Variants in GLCE observed in about 807,000 individuals in gnomAD.
GLCE encodes the protein D-glucuronyl C5-epimerase.
A neutral mutation model predicts 47.9 loss-of-function variants in GLCE; 19 were observed. The ratio of observed to expected loss-of-function variants is 0.40; its 90% CI spans 0.28 to 0.58. The LOEUF is 0.58. Ranked by LOEUF, GLCE falls within the 20% of genes least tolerant of loss-of-function variation. The pLI, the probability that GLCE is intolerant of heterozygous loss-of-function variation, is 0.48. For missense variants in GLCE, 556 were observed against 743.3 expected, an observed-to-expected ratio of 0.75 and a Z score of 2.93; for synonymous variants, 245 against 263.4, an observed-to-expected ratio of 0.93 and a Z score of 0.68.
chr15:69,206,533 A>G (rs1029470788), intron 1 of GLCE, among the ~76,000 whole-genome samples: 1 of 152,026 alleles, frequency 6.6e-6, no homozygotes. Context: ...TTATTCAGTC[A>G]TTTATATCAA....
At chr15:69,219,480 T>C (rs2052350917) in intron 2 of GLCE, among the ~76,000 whole-genome samples, 1 of 152,180 alleles carries the variant, frequency 6.6e-6, no homozygotes. Context: ...TGTATTTATT[T>C]CAGTGTTATA....
chr15:69,251,340 G>A (rs2052841777), intron 2 of GLCE, among the ~76,000 whole-genome samples: 2 of 152,226 alleles, frequency 1.3e-5, no homozygotes, highest in African/African-American at 2.4e-5. Flanking sequence ...CACTGAATTA[G>A]GGTATGACTA....
At chr15:69,266,986 G>C (rs1315477576) in intron 4 of GLCE, among the ~76,000 whole-genome samples, 1 of 152,196 alleles carries the variant, frequency 6.6e-6, no homozygotes, top group African/African-American at 2.4e-5. Context: ...TTTAAGCTGT[G>C]AAAAGATCAA....
In GLCE at chr15:69,268,870, C is replaced by T. The variant is rs1351519113; in HGVS notation, c.1480C>T (p.His494Tyr). Residue 494 changes from histidine (H) to tyrosine (Y), a missense_variant, in exon 5 of 5, where the codon CAT (histidine) becomes TAT (tyrosine). Physicochemically the swap from His to Tyr is moderately conservative, Grantham distance 83. Coordinates refer to ENST00000261858, the MANE Select transcript of GLCE (RefSeq NM_015554.3). ...HGVKAVFMNK[H>Y]DWYEEYPTTP... ...AGTTAAAGCTGTGTTTATGAATAAA[C>T]ATGACTGGTATGAAGAATATCCAAC... 2.5e-6 allele frequency: 4 copies of T among 1,613,982 alleles called. No individual in the cohort carries two copies. The South Asian group carries it at 3.3e-5, about 13-fold the overall frequency.
At chr15:69,223,888 A>G (rs1009278384) in intron 2 of GLCE, among the ~76,000 whole-genome samples, 1 of 152,080 alleles carries the variant, frequency 6.6e-6, no homozygotes, top group Admixed American at 6.6e-5. Context: ...TGTACTTCTC[A>G]GCTCCAGAAT....
rs192422570 is a variant in GLCE, at chr15:69,218,278, G to A, written c.-14+7872G>A. ...TAATCCCAGCATTTTGGGAAGCTAA[G>A]GCCGGTGGATTCCTTGAGCTCAGGA... On this transcript the variant is annotated intron_variant, in intron 2 of 4. Coordinates refer to ENST00000261858, the MANE Select transcript of GLCE (RefSeq NM_015554.3). Among the ~76,000 whole-genome samples, 1,257 of 152,008 alleles carry A rather than the reference G, an allele frequency of 8.3e-3. 11 individuals are homozygous for A. Among genetic ancestry groups the A allele is most frequent in the Middle Eastern group, 0.034 (10 of 294 alleles).
At chr15:69,239,288 G>T (rs1423806544) in intron 2 of GLCE, among the ~76,000 whole-genome samples, 1 of 152,032 alleles carries the variant, frequency 6.6e-6, no homozygotes, top group African/African-American at 2.4e-5. Flanking sequence ...TTTCTTTCTG[G>T]GATACAACAC....
At chr15:69,243,812 A>AT (rs1161184371) in intron 2 of GLCE, among the ~76,000 whole-genome samples, 25 of 118,114 alleles carry the variant, frequency 2.1e-4, no homozygotes, top group East Asian at 2.7e-4. Context: ...GAATAAAATA[A>AT]TTTTTTTAAA....
intron 2 of GLCE, among the ~76,000 whole-genome samples, chr15:69,249,602 TA>T (rs1466509879): frequency 1.3e-5 from 2 of 152,100 alleles, no homozygotes; most frequent in Admixed American, 6.5e-5. Flanking sequence ...AGAGAAATAA[TA>T]AGCAGGGAAA....
At chr15:69,256,703 T>C (rs2052930404) in intron 3 of GLCE, among the ~76,000 whole-genome samples, 1 of 152,160 alleles carries the variant, frequency 6.6e-6, no homozygotes, top group South Asian at 2.1e-4. Flanking sequence ...ATAGCTAGAA[T>C]CCTGTGAGAG....
intron 2 of GLCE, among the ~76,000 whole-genome samples, chr15:69,253,001 A>G (rs867457642): frequency 2.6e-5 from 4 of 152,202 alleles, no homozygotes; most frequent in South Asian, 4.1e-4. Flanking sequence ...ATGCCCCAGC[A>G]AAATAAAATG....
chr15:69,265,169 A>G (rs1381274441), intron 4 of GLCE, among the ~76,000 whole-genome samples: 2 of 152,136 alleles, frequency 1.3e-5, no homozygotes, highest in African/African-American at 4.8e-5. Flanking sequence ...GTGCATATAT[A>G]TGTGTCACAT....
intron 1 of GLCE, among the ~76,000 whole-genome samples, chr15:69,180,520 G>T (rs535624030): frequency 1.2e-4 from 18 of 152,320 alleles, no homozygotes; most frequent in African/African-American, 4.1e-4. Flanking sequence ...AAAATTCACT[G>T]ATAAGGTGAC....
intron 2 of GLCE, among the ~76,000 whole-genome samples, chr15:69,234,113 C>T (rs1288765061): frequency 6.6e-6 from 1 of 151,162 alleles, no homozygotes; most frequent in African/African-American, 2.4e-5. Flanking sequence ...CAGTAGCTGG[C>T]AGTACAGGCA....
At chr15:69,261,384 A>G in intron 4 of GLCE, 55 bp downstream of exon 4, 1 of 1,536,690 alleles carries the variant, frequency 6.5e-7, no homozygotes, top group Non-Finnish European at 8.8e-7. Flanking sequence ...TGGGACCCTG[A>G]TAGTCCCTTA....
In GLCE at chr15:69,270,646, A is replaced by T. The variant is rs1008590089; in HGVS notation, c.*1402A>T. On this transcript the variant is annotated 3_prime_UTR_variant, in exon 5 of 5. Coordinates refer to ENST00000261858, the MANE Select transcript of GLCE (RefSeq NM_015554.3). The stretch of plus-strand genomic sequence containing the variant: ...GACCTATATCAAGTACACATTTAGG[A>T]GCCAGGTAGGTTACCTGCTTACACA... The T allele has an allele frequency of 5.3e-5, 8 of 152,186 alleles. No homozygotes were observed. The highest frequency in any genetic ancestry group is 1.9e-4 in the African/African-American group (8 of 41,442). 9.4% of individuals were successfully genotyped at this position (152,186 alleles called of 1,614,324 possible).
intron 1 of GLCE, among the ~76,000 whole-genome samples, chr15:69,202,855 T>G (rs1443195323): frequency 2.6e-5 from 4 of 152,148 alleles, no homozygotes; most frequent in Non-Finnish European, 5.9e-5. Flanking sequence ...TGATTTAACA[T>G]TATTTATGGA....
At chr15:69,246,862 A>G (rs1046546733) in intron 2 of GLCE, among the ~76,000 whole-genome samples, 9 of 152,176 alleles carry the variant, frequency 5.9e-5, no homozygotes, top group African/African-American at 1.9e-4. Flanking sequence ...CTGCATGTCA[A>G]TGGGCAGTAA....
chr15:69,166,635 C>G lies in GLCE; in HGVS notation c.-105+5878C>G, dbSNP rs542210695. Among the ~76,000 whole-genome samples the G allele has an allele frequency of 2.0e-4, 31 of 152,168 alleles. No homozygotes were observed. In the South Asian group the frequency reaches 6.4e-3, roughly 32 times the overall value. ...ACACTGGTGTTATAAAACTATTACT[C>G]GAGGCCAGGCGCGGTGGCTTACGCC... is the stretch of plus-strand genomic sequence containing the variant. On this transcript the variant is annotated intron_variant, in intron 1 of 4. Transcript: ENST00000261858.
Sources: gnomAD v4.1 joint callset for allele counts (sites outside exome capture counted in the v4.1 genomes callset) on GRCh38, gnomAD v4.1.1 for gene constraint, MANE v1.5 for transcripts, NCBI Gene and HGNC (gene_info 2026-07-23, HGNC 2026-07-21) for gene names.